Variants in CHKA observed in about 807,000 individuals in gnomAD.
CHKA encodes the protein CHETK-alpha.
Under a neutral mutation model 60.1 loss-of-function variants are expected in CHKA, and 34 were observed. That is an observed-to-expected ratio of 0.57 (90% confidence interval 0.43 to 0.75). The LOEUF is 0.75. CHKA is among the 30% of genes least tolerant of loss of function. The probability of loss-of-function intolerance (pLI) is 0.00; values close to 1 mark genes in which losing one functional copy is unlikely to be tolerated. For missense variants in CHKA, 563 were observed against 561.3 expected (o/e 1.00, Z -0.03); for synonymous variants, 217 against 223.1 (o/e 0.97, Z 0.24).
At chr11:68,101,897 C>G (rs1237808260) in intron 1 of CHKA, among the ~76,000 whole-genome samples, 1 of 151,966 alleles carries the variant, frequency 6.6e-6, no homozygotes, top group East Asian at 1.9e-4. Context: ...GCCAGGAGTT[C>G]AAGACCAGCC....
chr11:68,093,802 G>A (rs1857421795), intron 2 of CHKA, among the ~76,000 whole-genome samples: 1 of 152,160 alleles, frequency 6.6e-6, no homozygotes, highest in Non-Finnish European at 1.5e-5. Flanking sequence ...GAGTTGGGCT[G>A]TCCAATACAG....
intron 11 of CHKA, among the ~76,000 whole-genome samples, chr11:68,060,042 T>TTTTTTTTTTTTTTTTA (rs1412983156): frequency 6.6e-6 from 1 of 150,588 alleles, no homozygotes; most frequent in African/African-American, 2.4e-5. Flanking sequence ...CTTTTTTTTT[T>TTTTTTTTTTTTTTTTA]GAGACCCAGA....
At chr11:68,055,269 A>T (rs1855966626) in intron 11 of CHKA, among the ~76,000 whole-genome samples, 1 of 152,288 alleles carries the variant, frequency 6.6e-6, no homozygotes. Context: ...GGGCGCCTGT[A>T]ATCCCAGCTA....
At chr11:68,077,104 G>A (rs908947875) in intron 3 of CHKA, among the ~76,000 whole-genome samples, 1 of 152,166 alleles carries the variant, frequency 6.6e-6, no homozygotes, top group African/African-American at 2.4e-5. Context: ...TCTGGGCATG[G>A]TGGCGGGCAC....
chr11:68,092,341 C>G (rs1309886800), intron 2 of CHKA, among the ~76,000 whole-genome samples: 1 of 152,112 alleles, frequency 6.6e-6, no homozygotes, highest in African/African-American at 2.4e-5. Flanking sequence ...GAACAAAACC[C>G]TCATTGTAGA....
At chr11:68,098,762 C>T (rs938913303) in intron 1 of CHKA, among the ~76,000 whole-genome samples, 1 of 152,036 alleles carries the variant, frequency 6.6e-6, no homozygotes, top group Non-Finnish European at 1.5e-5. Flanking sequence ...GGCACAATCT[C>T]GGCTCACTGC....
chr11:68,113,369 T>G (rs1197139257), intron 1 of CHKA, among the ~76,000 whole-genome samples: 1 of 152,042 alleles, frequency 6.6e-6, no homozygotes, highest in Non-Finnish European at 1.5e-5. Context: ...CTGAAAAGAT[T>G]TTCATCATAT....
chr11:68,075,425 G>C (rs369606288), intron 3 of CHKA, among the ~76,000 whole-genome samples: 1 of 151,558 alleles, frequency 6.6e-6, no homozygotes, highest in Non-Finnish European at 1.5e-5. Flanking sequence ...TTGAATGTTT[G>C]TTGTCTTGCT....
chr11:68,063,190 C>G lies in CHKA; in HGVS notation c.1233-1156G>C, dbSNP rs185841657. ...AACACAGCATATGGTGGCCGCCACT[C>G]CAGAAGCATCAGTGACAAGTTTGCA... On this transcript the variant is annotated intron_variant, in intron 10 of 11. Coordinates refer to ENST00000265689, the MANE Select transcript of CHKA (RefSeq NM_001277.3). Among the ~76,000 whole-genome samples, 14 of 152,248 alleles carry G rather than the reference C, an allele frequency of 9.2e-5. No individual in the cohort carries two copies. In the East Asian group the frequency reaches 2.3e-3, roughly 25 times the overall value.
At chr11:68,081,582 C>T in intron 2 of CHKA, 125 bp from the exon 3 acceptor site, 1 of 709,924 alleles carries the variant, frequency 1.4e-6, no homozygotes, top group Non-Finnish European at 2.5e-6. Context: ...GGTTTCTCAG[C>T]CCACCGATGT....
chr11:68,070,000 T>C (rs184173805), intron 6 of CHKA, among the ~76,000 whole-genome samples, 189 bp downstream of exon 6: 8 of 152,356 alleles, frequency 5.3e-5, no homozygotes, highest in Admixed American at 4.6e-4. Flanking sequence ...TGTGGGCTTC[T>C]AGTCCATAGA....
intron 2 of CHKA, among the ~76,000 whole-genome samples, chr11:68,084,296 GTA>G (rs1424081304): frequency 7.3e-6 from 1 of 137,758 alleles, no homozygotes; most frequent in Non-Finnish European, 1.6e-5. Flanking sequence ...ATATATATAC[GTA>G]TATGTGTATA....
At chr11:68,067,944 A>G (rs1027086082) in intron 7 of CHKA, among the ~76,000 whole-genome samples, 7 of 152,240 alleles carry the variant, frequency 4.6e-5, no homozygotes, top group Non-Finnish European at 5.9e-5. Context: ...ACAAGGGCTC[A>G]AGGTGGGACC....
chr11:68,069,286 T>C (rs1856540461), intron 6 of CHKA, among the ~76,000 whole-genome samples: 1 of 152,168 alleles, frequency 6.6e-6, no homozygotes, highest in Non-Finnish European at 1.5e-5. Flanking sequence ...TCTGTTTCTG[T>C]CACAGCACTT....
chr11:68,075,829 C>T (rs1161306817), intron 3 of CHKA, among the ~76,000 whole-genome samples: 1 of 152,074 alleles, frequency 6.6e-6, no homozygotes, highest in Non-Finnish European at 1.5e-5. Context: ...AGGTCTTACT[C>T]CAAGTATTAA....
Position 68,053,993 on chromosome 11 carries a change from C to G in CHKA, c.1369G>C (p.Val457Leu), listed in dbSNP as rs772463621. The change falls in exon 12 of 12, where the codon GTG (valine) becomes CTG (leucine). Residue 457 changes from valine to leucine, a missense_variant. Val to Leu is a conservative substitution (Grantham distance 32). Transcript: ENST00000265689. ...GGATGGAGTCCTCCCCACAGTCACA[C>G]CCCAAGCTTCCTCTTCTGGTGGAAA... ...AYFHQKRKLG[V>L] 1 of 1,613,568 alleles carries G rather than the reference C, an allele frequency of 6.2e-7. No individual in the cohort carries two copies. Among genetic ancestry groups the G allele is most frequent in the Non-Finnish European group, 8.5e-7 (1 of 1,179,774 alleles).
chr11:68,116,063 T>A (rs1035542322), intron 1 of CHKA, among the ~76,000 whole-genome samples: 1 of 152,192 alleles, frequency 6.6e-6, no homozygotes, highest in African/African-American at 2.4e-5. Flanking sequence ...TCTCTCCATC[T>A]TTTGATATGA....
At chr11:68,111,504 G>A (rs930344536) in intron 1 of CHKA, among the ~76,000 whole-genome samples, 1 of 151,320 alleles carries the variant, frequency 6.6e-6, no homozygotes. Flanking sequence ...ACTTGAACCC[G>A]GGAGACAGAG....
At chr11:68,070,420 T>C in intron 5 of CHKA, 127 bp from the exon 6 acceptor site, 1 of 732,252 alleles carries the variant, frequency 1.4e-6, no homozygotes, top group Non-Finnish European at 2.3e-6. Flanking sequence ...GGGACCCCTC[T>C]GACTGCCATG....
Sources: allele counts gnomAD v4.1 joint callset (sites outside exome capture counted in the v4.1 genomes callset), GRCh38; gene constraint gnomAD v4.1.1; transcripts MANE v1.5; gene names NCBI Gene and HGNC (gene_info 2026-07-23, HGNC 2026-07-21).